CDYL2: variants seen among roughly 807,000 people sequenced by gnomAD.
The protein encoded by CDYL2 is chromodomain Y like 2.
CDYL2 carries 23 observed loss-of-function variants against 49.4 expected under a neutral mutation model. The observed-to-expected ratio is 0.47, with a 90% CI of 0.34 to 0.66. CDYL2 has a LOEUF of 0.66. CDYL2 is among the 30% of genes least tolerant of loss of function. The probability of loss-of-function intolerance (pLI) is 0.01; values close to 1 mark genes in which losing one functional copy is unlikely to be tolerated. For synonymous variants in CDYL2, 360 were observed against 268.8 expected, an observed-to-expected ratio of 1.34 and a Z score of -3.32; for missense variants, 678 against 656.4, an observed-to-expected ratio of 1.03 and a Z score of -0.36.
At chr16:80,616,113 CAGA>C in intron 4 of CDYL2, among the ~76,000 whole-genome samples, 1 of 152,326 alleles carries the variant, frequency 6.6e-6, no homozygotes, top group South Asian at 2.1e-4. Context: ...ACTGATGTGG[CAGA>C]AGGAGCAACA....
chr16:80,653,990 G>A (rs758378713), intron 2 of CDYL2, among the ~76,000 whole-genome samples: 2 of 152,186 alleles, frequency 1.3e-5, no homozygotes, highest in Non-Finnish European at 2.9e-5. Context: ...GCATGGGGCT[G>A]CCCCATGCTT....
chr16:80,630,992 T>C (rs1303139452), intron 3 of CDYL2, among the ~76,000 whole-genome samples: 1 of 152,010 alleles, frequency 6.6e-6, no homozygotes, highest in Non-Finnish European at 1.5e-5. Context: ...TAACCTCCCA[T>C]TGCTATTATG....
rs899605570 is a variant in CDYL2 at position 80,785,814 on chromosome 16, C to G, written c.24+18336G>C. Among the ~76,000 whole-genome samples, 106 of 152,204 alleles carry G rather than the reference C, an allele frequency of 7.0e-4. 1 individual carries two copies. The highest frequency in any genetic ancestry group is 3.2e-3 in the Middle Eastern group (1 of 316). On this transcript the variant is annotated intron_variant, in intron 1 of 6. Transcript: ENST00000570137. ...AGGCCTCAGAAATAACACCACACAT[C>G]TACCGTCATCCGATCTTTGACCAAC...
chr16:80,606,288 C>T (rs1239011986), intron 6 of CDYL2, among the ~76,000 whole-genome samples: 3 of 152,208 alleles, frequency 2.0e-5, no homozygotes, highest in Non-Finnish European at 2.9e-5. Context: ...TTGGGAAACC[C>T]CCCCAGCATT....
chr16:80,639,863 G>C (rs1260370608), intron 2 of CDYL2: 15 of 371,502 alleles, frequency 4.0e-5, no homozygotes, highest in Non-Finnish European at 6.4e-5. Flanking sequence ...TGTTATAGCA[G>C]AAAGCAAAAG....
At chr16:80,748,506 TAAAAAAAAAAAAAAAA>T (rs538432449) in intron 1 of CDYL2, among the ~76,000 whole-genome samples, 398 of 19,158 alleles carry the variant, frequency 0.021, 9 homozygotes, top group African/African-American at 0.056. Context: ...AAAACTCCAT[TAAAAAAAAAAAAAAAA>T]AAAAAAAAAA....
At chr16:80,653,212 T>C (rs1410782897) in intron 2 of CDYL2, among the ~76,000 whole-genome samples, 1 of 152,250 alleles carries the variant, frequency 6.6e-6, no homozygotes, top group Non-Finnish European at 1.5e-5. Context: ...ACGCCTGTAA[T>C]CCTGGCACTT....
intron 2 of CDYL2, among the ~76,000 whole-genome samples, chr16:80,633,450 T>G (rs1907666975): frequency 1.3e-5 from 2 of 152,282 alleles, no homozygotes; most frequent in East Asian, 3.9e-4. Context: ...CCTAGAGGGC[T>G]CTTTGTGAAG....
chr16:80,665,031 G>A (rs1051719668), intron 2 of CDYL2, among the ~76,000 whole-genome samples: 3 of 152,074 alleles, frequency 2.0e-5, no homozygotes, highest in Non-Finnish European at 2.9e-5. Flanking sequence ...CCCCCAGAAC[G>A]AGGCATGCTG....
intron 1 of CDYL2, among the ~76,000 whole-genome samples, chr16:80,778,066 G>A (rs927317649): frequency 2.0e-5 from 3 of 151,812 alleles, no homozygotes; most frequent in Non-Finnish European, 4.4e-5. Flanking sequence ...AAGAGTATAC[G>A]ATCACTCCAG....
chr16:80,661,236 C>T (rs1011643207), intron 2 of CDYL2, among the ~76,000 whole-genome samples: 1 of 152,114 alleles, frequency 6.6e-6, no homozygotes, highest in Non-Finnish European at 1.5e-5. Context: ...TTGAGGGATA[C>T]ATTATCCATT....
At chr16:80,751,316 G>A (rs1480366297) in intron 1 of CDYL2, among the ~76,000 whole-genome samples, 1 of 152,218 alleles carries the variant, frequency 6.6e-6, no homozygotes, top group East Asian at 1.9e-4. Context: ...AGAACTTGAA[G>A]TGCCAAAAAT....
At chr16:80,640,894 T>C (rs528541363) in intron 2 of CDYL2, among the ~76,000 whole-genome samples, 215 of 152,222 alleles carry the variant, frequency 1.4e-3, no homozygotes, top group African/African-American at 4.9e-3. Flanking sequence ...TTTGAAAATA[T>C]ATAGTCAGAG....
At chr16:80,642,557 T>C (rs914901040) in intron 2 of CDYL2, among the ~76,000 whole-genome samples, 1 of 152,180 alleles carries the variant, frequency 6.6e-6, no homozygotes, top group Non-Finnish European at 1.5e-5. Flanking sequence ...ATTGAATTAG[T>C]CCGTTTTCAC....
intron 1 of CDYL2, among the ~76,000 whole-genome samples, chr16:80,745,278 C>A (rs979001653): frequency 6.6e-6 from 1 of 152,196 alleles, no homozygotes; most frequent in African/African-American, 2.4e-5. Context: ...CACCAGCCAA[C>A]CTCTTCTGTG....
At position 80,604,181 on chromosome 16, in the gene CDYL2, G is replaced by C; in HGVS notation, c.*207C>G. ...CAGCTCTCTGGCCAGGAAGGGCAGG[G>C]AGGTGGGGGAGGCCAAGTATGCTGC... On this transcript the variant is annotated 3_prime_UTR_variant, in exon 7 of 7. Transcript: ENST00000570137. 1.7e-6 allele frequency: 1 copy of C among 600,294 alleles called. No homozygotes were observed. The highest frequency in any genetic ancestry group is 2.9e-6 in the Non-Finnish European group (1 of 340,572). The allele number at this position is 600,294 out of a possible 1,614,324, so 37.2% of individuals were successfully genotyped here.
chr16:80,778,351 CA>C (rs1296748843), intron 1 of CDYL2, among the ~76,000 whole-genome samples: 4 of 151,466 alleles, frequency 2.6e-5, no homozygotes, highest in Non-Finnish European at 5.9e-5. Flanking sequence ...GACAGAAAGA[CA>C]GGTAAGATGA....
intron 1 of CDYL2, among the ~76,000 whole-genome samples, chr16:80,778,276 A>G (rs369670761): frequency 1.3e-5 from 2 of 152,016 alleles, no homozygotes; most frequent in South Asian, 2.1e-4. Flanking sequence ...ATTACACTAT[A>G]ATTTAGCATT....
intron 1 of CDYL2, among the ~76,000 whole-genome samples, chr16:80,783,597 C>T (rs903162379): frequency 2.0e-5 from 3 of 152,220 alleles, no homozygotes; most frequent in African/African-American, 2.4e-5. Flanking sequence ...TGTCCACCAA[C>T]GGATGAATGC....
Sources: gnomAD v4.1 joint callset for allele counts (sites outside exome capture counted in the v4.1 genomes callset) on GRCh38, gnomAD v4.1.1 for gene constraint, MANE v1.5 for transcripts, NCBI Gene and HGNC (gene_info 2026-07-23, HGNC 2026-07-21) for gene names.